FANCA: variants seen among roughly 807,000 people sequenced by gnomAD.
The protein encoded by FANCA is Fanconi anemia group A protein.
In FANCA, 236 loss-of-function variants were observed where a neutral mutation model predicts 194.3. The ratio of observed to expected loss-of-function variants is 1.21; its 90% confidence interval spans 1.09 to 1.35. The LOEUF (loss-of-function observed/expected upper bound fraction) is 1.35, where lower values mean the gene tolerates loss of function less well. Among genes scored for constraint, FANCA ranks in the 40% most tolerant of loss-of-function variants. The pLI is 0.00. For missense variants in FANCA, 2,628 were observed against 1,813.9 expected (o/e 1.45, Z -8.15); for synonymous variants, 1,014 against 715.8 (o/e 1.42, Z -6.65).
chr16:89,778,705 G>A, intron 20 of FANCA, 96 bp downstream of exon 20: 1 of 1,057,646 alleles, frequency 9.5e-7, no homozygotes, highest in Non-Finnish European at 1.5e-6. Flanking sequence ...AAACACAATA[G>A]TGGTCTAACA....
intron 5 of FANCA, among the ~76,000 whole-genome samples, chr16:89,809,302 A>C (rs11861084): frequency 0.67 from 102,600 of 152,098 alleles, 35,649 homozygotes; most frequent in East Asian, 0.99. Flanking sequence ...CTGTGAGCAC[A>C]TGAATCATCG....
Position 89,816,608 on chromosome 16 carries a change from T to A in FANCA, c.8A>T (p.Asp3Val). The change falls in exon 1 of 43, where the codon GAC becomes GTC. Residue 3 changes from aspartate (D) to valine (V), a missense_variant. Asp to Val is a radical substitution (Grantham distance 152). Coordinates refer to ENST00000389301, the MANE Select transcript of FANCA (RefSeq NM_000135.4). ...CGAGGCGGAGTTCGGGACCCACGAG[T>A]CGGACATGGCCTTGGCGCCTACAGC... is the stretch of plus-strand genomic sequence containing the variant. MS[D>V]SWVPNSASGQ... The A allele has an allele frequency of 1.3e-6, 2 of 1,524,910 alleles. No homozygotes were observed. Among genetic ancestry groups the A allele is most frequent in the South Asian group, 1.2e-5 (1 of 82,880 alleles). The allele number at this position is 1,524,910 out of a possible 1,614,324, so 94.5% of individuals were successfully genotyped here.
At chr16:89,773,468 A>G (rs902366798) in intron 21 of FANCA, 84 bp from the exon 22 acceptor site, 29 of 1,014,334 alleles carry the variant, frequency 2.9e-5, no homozygotes, top group Non-Finnish European at 3.6e-5. Context: ...ACAGTCAAAT[A>G]CAGAGCTGTG....
At chr16:89,790,155 A>G (rs1431565419) in intron 14 of FANCA, among the ~76,000 whole-genome samples, 2 of 152,192 alleles carry the variant, frequency 1.3e-5, no homozygotes, top group Non-Finnish European at 2.9e-5. Context: ...TAATCCCTGC[A>G]CTTTGGGAGG....
chr16:89,770,771 A>G (rs2039297189), intron 23 of FANCA, 137 bp from the exon 24 acceptor site: 1 of 758,618 alleles, frequency 1.3e-6, no homozygotes, highest in East Asian at 2.7e-5. Context: ...TTTGGAGGGC[A>G]TGTTACAATG....
intron 29 of FANCA, among the ~76,000 whole-genome samples, chr16:89,761,669 G>T (rs137944595): frequency 3.3e-4 from 51 of 152,294 alleles, no homozygotes; most frequent in East Asian, 7.7e-4. Context: ...CCGTTGCACA[G>T]GCTAAAGTGC....
At chr16:89,769,814 G>C in intron 26 of FANCA, 23 bp downstream of exon 26, 1 of 1,613,254 alleles carries the variant, frequency 6.2e-7, no homozygotes, top group East Asian at 2.2e-5. Context: ...GAGAGAAGAC[G>C]CGACTGTGGA....
Position 89,775,801 on chromosome 16 carries a change from G to A in FANCA, c.1841C>T (p.Pro614Leu). The A allele has an allele frequency of 6.2e-7, 1 of 1,611,902 alleles. No homozygotes were observed. Among genetic ancestry groups the A allele is most frequent in the Non-Finnish European group, 8.5e-7 (1 of 1,178,880 alleles). Residue 614 changes from proline (P) to leucine (L), a missense_variant, in exon 21 of 43, where the codon CCC becomes CTC. Coordinates refer to ENST00000389301, the MANE Select transcript of FANCA (RefSeq NM_000135.4). Reference protein sequence around the residue: ...IESLKRADKIPPSLYSTYCQA... With the variant: ...IESLKRADKILPSLYSTYCQA... ...GCAGTAGGTGGAGTACAGAGATGGGGGGATTTTATCTGCTCTGGATCACAG... is the reference window on the plus strand; with the variant it reads ...GCAGTAGGTGGAGTACAGAGATGGGAGGATTTTATCTGCTCTGGATCACAG...
intron 27 of FANCA, among the ~76,000 whole-genome samples, chr16:89,766,669 C>T (rs2039138648): frequency 2.6e-5 from 4 of 151,094 alleles, no homozygotes; most frequent in African/African-American, 9.8e-5. Flanking sequence ...GGGCCGAGAT[C>T]GCACCACTGC....
rs114552133 is a variant in FANCA at position 89,747,386 on chromosome 16, C to T, written c.3349-496G>A. On this transcript the variant is annotated intron_variant, in intron 33 of 42. Transcript: ENST00000389301. ...TTTCTGAAAGCTTTTGCTAGTCTCACGTCCTCTGCTTTCCTTGTCACATTT... is the reference window on the plus strand; with the variant it reads ...TTTCTGAAAGCTTTTGCTAGTCTCATGTCCTCTGCTTTCCTTGTCACATTT... 2.6e-3 allele frequency among the ~76,000 whole-genome samples: 392 copies of T among 152,322 alleles called. 4 individuals are homozygous for T. The highest frequency in any genetic ancestry group is 0.014 in the Middle Eastern group (4 of 294).
chr16:89,760,044 C>T (rs2038900507), intron 29 of FANCA, among the ~76,000 whole-genome samples: 1 of 152,242 alleles, frequency 6.6e-6, no homozygotes, highest in Non-Finnish European at 1.5e-5. Context: ...CCCACACTGT[C>T]TGGAACTGGC....
chr16:89,769,952 C>T lies in FANCA; in HGVS notation c.2389G>A (p.Ala797Thr), dbSNP rs1484786163. 6.2e-7 allele frequency: 1 copy of T among 1,613,962 alleles called. No individual in the cohort carries two copies. Among genetic ancestry groups the T allele is most frequent in the African/African-American group, 1.3e-5 (1 of 74,942 alleles). The change falls in exon 26 of 43, where the codon GCG (alanine) becomes ACG (threonine). Residue 797 changes from alanine (A) to threonine (T), a missense_variant. Transcript: ENST00000389301. ...GGACCCACATCCACCTCTGGGAGCG[C>T]AGACCTGGACTCACCCAGGTGCACG... ...LAVHLGESRSALPEVDVGPPA... is the reference protein window; with the variant it reads ...LAVHLGESRSTLPEVDVGPPA...
chr16:89,764,967 C>A lies in FANCA; in HGVS notation c.2701G>T (p.Ala901Ser). ...GAGAGGGCAGCTCTCTGCCAGTCTG[C>A]AGAAGGAAGGTGCAAGGGTCTCCAG... ...LSWRPLHLPS[A>S]DWQRAALSLW... is the part of the protein sequence containing the mutation. The change falls in exon 28 of 43, where the codon GCA becomes TCA. Residue 901 changes from alanine (A) to serine (S), a missense_variant. Physicochemically the swap from Ala to Ser is moderately conservative, Grantham distance 99. Transcript: ENST00000389301. 6.2e-7 allele frequency: 1 copy of A among 1,614,234 alleles called. No homozygotes were observed. Among genetic ancestry groups the A allele is most frequent in the Non-Finnish European group, 8.5e-7 (1 of 1,180,042 alleles).
At chr16:89,776,553 C>T (rs17226414) in intron 20 of FANCA, among the ~76,000 whole-genome samples, 2,168 of 152,052 alleles carry the variant, frequency 0.014, 40 homozygotes, top group South Asian at 0.091. Flanking sequence ...TTGGGCCAGG[C>T]GCGGTGGATC....
rs568822228 is a variant in FANCA, at chr16:89,738,082, C to T, written c.*519G>A. ...GGACTTTGCCTGTGACCAGTGTGGC[C>T]GGCGGTTTGAGAAGGCCCACAACCT... is the stretch of plus-strand genomic sequence containing the variant. On this transcript the variant is annotated 3_prime_UTR_variant, in exon 43 of 43. Coordinates refer to ENST00000389301, the MANE Select transcript of FANCA (RefSeq NM_000135.4). 5.6e-6 allele frequency: 9 copies of T among 1,614,042 alleles called. No individual in the cohort carries two copies. Among genetic ancestry groups the T allele is most frequent in the Middle Eastern group, 1.6e-4 (1 of 6,062 alleles).
In FANCA at chr16:89,758,535, C is replaced by A. The variant is rs1328074584; in HGVS notation, c.2981+42G>T. ...TCCCCTTTATATATATCCTATTAGT[C>A]CTGTCCCTCCAGAGAACCCTAATAC... On this transcript the variant is annotated intron_variant, in intron 30 of 42. Transcript: ENST00000389301. 2.5e-6 allele frequency: 4 copies of A among 1,606,802 alleles called. No homozygotes were observed. The East Asian group carries it at 8.9e-5, about 36-fold the overall frequency.
At chr16:89,803,201 A>G in intron 8 of FANCA, 58 bp downstream of exon 8, 6 of 1,495,988 alleles carry the variant, frequency 4.0e-6, no homozygotes, top group Non-Finnish European at 5.6e-6. Flanking sequence ...ATACATTTCA[A>G]CACTTGGAAT....
intron 23 of FANCA, 34 bp from the exon 24 acceptor site, chr16:89,770,668 C>A (rs1371121298): frequency 7.0e-6 from 11 of 1,566,262 alleles, no homozygotes; most frequent in Non-Finnish European, 9.6e-6. Flanking sequence ...GCGTGGTGTC[C>A]TGGGGACGGG....
chr16:89,748,806 G>T, intron 32 of FANCA, 39 bp from the exon 33 acceptor site: 1 of 1,535,066 alleles, frequency 6.5e-7, no homozygotes. Context: ...ACAGCACAGC[G>T]TACACTCTGC....
Sources: gnomAD v4.1 joint callset for allele counts (sites outside exome capture counted in the v4.1 genomes callset) on GRCh38, gnomAD v4.1.1 for gene constraint, MANE v1.5 for transcripts, NCBI Gene and HGNC (gene_info 2026-07-23, HGNC 2026-07-21) for gene names.